The following MYL10 variants were observed in gnomAD, a reference collection of about 807,000 sequenced individuals.
MYL10 encodes myosin light chain 10.
MYL10 carries 18 observed loss-of-function variants against 21.9 expected under a neutral mutation model. The observed-to-expected ratio is 0.82, with a 90% CI of 0.57 to 1.22. MYL10 has a LOEUF of 1.22. Ranked by LOEUF, MYL10 falls within the 50% of genes most tolerant of loss-of-function variation. The pLI is 0.00. For missense variants in MYL10, 225 were observed against 230.4 expected, an observed-to-expected ratio of 0.98 and a Z score of 0.15; for synonymous variants, 88 against 82.8, an observed-to-expected ratio of 1.06 and a Z score of -0.34.
intron 1 of MYL10, among the ~76,000 whole-genome samples, chr7:101,626,550 G>A (rs752743479): frequency 6.6e-6 from 1 of 152,180 alleles, no homozygotes; most frequent in Non-Finnish European, 1.5e-5. Flanking sequence ...TTGATACCCC[G>A]CAGGGAGTCC....
At position 101,617,729 on chromosome 7, in the gene MYL10, T is replaced by A. The variant is rs953300479; in HGVS notation, c.455-1431A>T. On this transcript the variant is annotated intron_variant, in intron 5 of 7. Transcript: ENST00000223167. ...CATCAGATTAGATCAGGGCCTCATC[T>A]GTGCCTCCCCCATCAGACTGGGTCA... Among the ~76,000 whole-genome samples the A allele has an allele frequency of 4.6e-5, 7 of 152,208 alleles. 1 individual carries two copies. The highest frequency in any genetic ancestry group is 1.4e-4 in the African/African-American group (6 of 41,454).
chr7:101,617,845 C>T (rs1162028909), intron 5 of MYL10, among the ~76,000 whole-genome samples: 1 of 151,960 alleles, frequency 6.6e-6, no homozygotes, highest in African/African-American at 2.4e-5. Context: ...CCTCTTCCAT[C>T]AGACTGGATC....
chr7:101,624,986 G>A (rs1335647458), intron 1 of MYL10, among the ~76,000 whole-genome samples: 1 of 151,832 alleles, frequency 6.6e-6, no homozygotes, highest in Non-Finnish European at 1.5e-5. Flanking sequence ...GTATCACACT[G>A]TCCTGACATA....
At chr7:101,616,199 G>A (rs1466749347) in intron 6 of MYL10, 21 bp downstream of exon 6, 1 of 1,608,680 alleles carries the variant, frequency 6.2e-7, no homozygotes, top group Non-Finnish European at 8.5e-7. Context: ...GAGCATTTTG[G>A]GGGAGTCAGG....
In MYL10 at chr7:101,613,653, CCA is replaced by C; in HGVS notation, c.582+7_582+8del. On this transcript the variant is annotated splice_region_variant and intron_variant, in intron 7 of 7. Coordinates refer to ENST00000223167, the MANE Select transcript of MYL10 (RefSeq NM_138403.5). ...GAATCCGCCGTGACCCACCAGAATC[CCA>C]GTTTACCTCCTCCTCACTGAAGCGG... is the stretch of plus-strand genomic sequence containing the variant. 1.9e-6 allele frequency: 3 copies of C among 1,614,134 alleles called. No individual in the cohort carries two copies. The highest frequency in any genetic ancestry group is 2.5e-6 in the Non-Finnish European group (3 of 1,180,022).
At position 101,613,400 on chromosome 7, in the gene MYL10, C is replaced by T; in HGVS notation, c.*75G>A. Reference sequence around the variant, plus strand: ...AAGGGAAGCCTTTTTCCTGCAGCCTCTGGCTGCAAGAGCTCCCTGTCACAC... The same window carrying T: ...AAGGGAAGCCTTTTTCCTGCAGCCTTTGGCTGCAAGAGCTCCCTGTCACAC... On this transcript the variant is annotated 3_prime_UTR_variant, in exon 8 of 8. Coordinates refer to ENST00000223167, the MANE Select transcript of MYL10 (RefSeq NM_138403.5). 1 of 1,267,250 alleles carries T rather than the reference C, an allele frequency of 7.9e-7. No individual in the cohort carries two copies. Among genetic ancestry groups the T allele is most frequent in the South Asian group, 1.2e-5 (1 of 82,208 alleles). 78.5% of individuals were successfully genotyped at this position (1,267,250 alleles called of 1,614,324 possible).
chr7:101,625,856 C>T (rs746062494), intron 1 of MYL10, among the ~76,000 whole-genome samples: 2 of 152,150 alleles, frequency 1.3e-5, no homozygotes, highest in Admixed American at 6.5e-5. Flanking sequence ...GAGGTTCTGC[C>T]CTTTCTCTGG....
At chr7:101,618,311 G>C (rs1041146640) in intron 5 of MYL10, among the ~76,000 whole-genome samples, 1 of 152,206 alleles carries the variant, frequency 6.6e-6, no homozygotes, top group Non-Finnish European at 1.5e-5. Context: ...GCCTCTAGGC[G>C]GGTGAGGGTT....
chr7:101,613,689 G>A lies in MYL10; in HGVS notation c.555C>T (p.Thr185=), dbSNP rs1332516158. 6.2e-7 allele frequency: 1 copy of A among 1,614,106 alleles called. No individual in the cohort carries two copies. The highest frequency in any genetic ancestry group is 8.5e-7 in the Non-Finnish European group (1 of 1,180,014). ...CCTCCTCACTGAAGCGGTCTGCCTG[G>A]GTCATAAGTTTTTCTTTGATGCTGT... ...KADVIKEKLM[T]QADRFSEEEV... Residue 185 remains threonine, a synonymous_variant, in exon 7 of 8, where the codon ACC becomes ACT. Coordinates refer to ENST00000223167, the MANE Select transcript of MYL10 (RefSeq NM_138403.5).
At chr7:101,622,895 G>A in intron 4 of MYL10, 102 bp downstream of exon 4, 1 of 1,046,256 alleles carries the variant, frequency 9.6e-7, no homozygotes. Flanking sequence ...CCCCAGCACA[G>A]GAGCCTCTCA....
chr7:101,620,429 G>A (rs568695005), intron 5 of MYL10, among the ~76,000 whole-genome samples: 19 of 152,322 alleles, frequency 1.2e-4, no homozygotes, highest in South Asian at 4.1e-4. Flanking sequence ...AGCCACCAGA[G>A]GCTGGGAGAG....
In MYL10 at chr7:101,629,225, G is replaced by A. The variant is rs977305635; in HGVS notation, c.-107C>T. 4 of 303,360 alleles carry A rather than the reference G, an allele frequency of 1.3e-5. No homozygotes were observed. Among genetic ancestry groups the A allele is most frequent in the Admixed American group, 9.3e-5 (2 of 21,518 alleles). The allele number at this position is 303,360 out of a possible 1,614,324, so 18.8% of individuals were successfully genotyped here. ...ATCCCGTTCATAGGGCATGCGATGG[G>A]GGTGTGGCTCGCTTCTTCCATGCCC... On this transcript the variant is annotated 5_prime_UTR_variant, in exon 1 of 8. Coordinates refer to ENST00000223167, the MANE Select transcript of MYL10 (RefSeq NM_138403.5).
chr7:101,615,825 G>A (rs1034684625), intron 6 of MYL10, among the ~76,000 whole-genome samples: 1 of 151,036 alleles, frequency 6.6e-6, no homozygotes, highest in South Asian at 2.1e-4. Flanking sequence ...CACCAGAGTA[G>A]CTGGGACTAC....
chr7:101,615,997 C>T (rs1796605151), intron 6 of MYL10, among the ~76,000 whole-genome samples: 1 of 152,134 alleles, frequency 6.6e-6, no homozygotes, highest in Admixed American at 6.5e-5. Context: ...CCGCGCCCAG[C>T]CTGACCCACC....
chr7:101,627,478 C>T (rs1327196903), intron 1 of MYL10: 1 of 152,814 alleles, frequency 6.5e-6, no homozygotes, highest in African/African-American at 2.4e-5. Flanking sequence ...CCCCAGCCTA[C>T]CATGGTCTGG....
chr7:101,628,536 T>TCA (rs1010193243), intron 1 of MYL10, among the ~76,000 whole-genome samples: 2 of 152,118 alleles, frequency 1.3e-5, no homozygotes, highest in Non-Finnish European at 2.9e-5. Flanking sequence ...CACCCTGGCC[T>TCA]CACACACACA....
chr7:101,615,271 G>A (rs1260511144), intron 6 of MYL10, among the ~76,000 whole-genome samples: 1 of 152,046 alleles, frequency 6.6e-6, no homozygotes, highest in Non-Finnish European at 1.5e-5. Context: ...CTGGCCCCTG[G>A]CTCTTTGCTT....
rs1796607588 is a variant in MYL10 at position 101,616,222 on chromosome 7, A to G, written c.531T>C (p.Asp177=). 1 of 1,613,958 alleles carries G rather than the reference A, an allele frequency of 6.2e-7. No individual in the cohort carries two copies. Among genetic ancestry groups the G allele is most frequent in the Non-Finnish European group, 8.5e-7 (1 of 1,179,876 alleles). The change falls in exon 6 of 8, where the codon GAT becomes GAC. Residue 177 remains aspartate, a splice_region_variant and synonymous_variant. Transcript: ENST00000223167. ...TGGGGGAGTCAGGGGAAACTTACACATCGGCCTTGACGAAACCTTTCCCTT... is the reference window on the plus strand; with the variant it reads ...TGGGGGAGTCAGGGGAAACTTACACGTCGGCCTTGACGAAACCTTTCCCTT... ...DTEGKGFVKA[D]VIKEKLMTQA...
chr7:101,615,205 C>T (rs981824490), intron 6 of MYL10, among the ~76,000 whole-genome samples: 13 of 152,148 alleles, frequency 8.5e-5, no homozygotes, highest in Non-Finnish European at 1.6e-4. Context: ...TTGCCCGAGG[C>T]GGTGCTGGCT....
Sources: gnomAD v4.1 joint callset for allele counts (sites outside exome capture counted in the v4.1 genomes callset) on GRCh38, gnomAD v4.1.1 for gene constraint, MANE v1.5 for transcripts, NCBI Gene and HGNC (gene_info 2026-07-23, HGNC 2026-07-21) for gene names.